ITK: variants seen among roughly 807,000 people sequenced by gnomAD.
The protein encoded by ITK is IL2 inducible T cell kinase, also known as tyrosine-protein kinase ITK/TSK.
A neutral mutation model predicts 87.6 loss-of-function variants in ITK; 45 were observed. The observed-to-expected ratio is 0.51, with a 90% CI of 0.40 to 0.66. The LOEUF (loss-of-function observed/expected upper bound fraction) is 0.66. Ranked by LOEUF, ITK falls within the 30% of genes least tolerant of loss-of-function variation. ITK has a pLI of 0.00. For missense variants in ITK, 605 were observed against 766.3 expected (o/e 0.79, Z 2.48); for synonymous variants, 303 against 273.6 (o/e 1.11, Z -1.06).
chr5:157,220,864 T>G (rs924902186), intron 5 of ITK, among the ~76,000 whole-genome samples: 1 of 152,152 alleles, frequency 6.6e-6, no homozygotes, highest in African/African-American at 2.4e-5. Context: ...TAATTAAAAT[T>G]TTTTGTTGCT....
chr5:157,188,762 A>G (rs1753694875), intron 1 of ITK, among the ~76,000 whole-genome samples: 1 of 152,182 alleles, frequency 6.6e-6, no homozygotes, highest in Admixed American at 6.5e-5. Flanking sequence ...GAAGTGCATC[A>G]CCACGCCTGG....
Position 157,208,986 on chromosome 5 carries a change from C to T in ITK, c.236C>T (p.Pro79Leu), listed in dbSNP as rs770772353. Residue 79 changes from proline (P) to leucine (L), a missense_variant, in exon 2 of 17, where the codon CCG becomes CTG. By Grantham distance (98) the Pro-to-Leu change is moderately conservative. Coordinates refer to ENST00000422843, the MANE Select transcript of ITK (RefSeq NM_005546.4). ...DISIPCHYKY[P>L]FQVVHDNYLL... is the part of the protein sequence containing the mutation. ...AGCATCCCATGCCACTATAAATACCCGTTTCAGGTAAGTCCATCAGGTGGG... is the reference window on the plus strand; with the variant it reads ...AGCATCCCATGCCACTATAAATACCTGTTTCAGGTAAGTCCATCAGGTGGG... 13 of 1,608,008 alleles carry T rather than the reference C, an allele frequency of 8.1e-6. No homozygotes were observed. The highest frequency in any genetic ancestry group is 1.3e-5 in the African/African-American group (1 of 74,770).
chr5:157,254,477 A>G lies in ITK; in HGVS notation c.*1799A>G, dbSNP rs1755211871. On this transcript the variant is annotated 3_prime_UTR_variant, in exon 17 of 17. Coordinates refer to ENST00000422843, the MANE Select transcript of ITK (RefSeq NM_005546.4). ...CAGCTGTAGTCTTCTTGAACACTTCATGAGGAGGGACATTCCCTGATATAA... is the reference window on the plus strand; with the variant it reads ...CAGCTGTAGTCTTCTTGAACACTTCGTGAGGAGGGACATTCCCTGATATAA... The G allele has an allele frequency of 4.5e-6, 1 of 220,456 alleles. No homozygotes were observed. The highest frequency in any genetic ancestry group is 9.1e-6 in the Non-Finnish European group (1 of 110,098). 13.7% of individuals were successfully genotyped at this position (220,456 alleles called of 1,614,324 possible).
intron 7 of ITK, among the ~76,000 whole-genome samples, chr5:157,230,264 G>A (rs906673895): frequency 1.3e-5 from 2 of 151,950 alleles, no homozygotes; most frequent in Admixed American, 1.3e-4. Flanking sequence ...TCAGCAATTG[G>A]CTCATCTGGG....
intron 1 of ITK, among the ~76,000 whole-genome samples, chr5:157,203,544 A>G (rs991265784): frequency 3.3e-5 from 5 of 152,140 alleles, no homozygotes; most frequent in Admixed American, 6.5e-5. Context: ...TTCACTATGC[A>G]TGCCCTAAAG....
At chr5:157,189,009 G>T (rs1753700512) in intron 1 of ITK, among the ~76,000 whole-genome samples, 1 of 152,018 alleles carries the variant, frequency 6.6e-6, no homozygotes, top group African/African-American at 2.4e-5. Context: ...TAAATATCCG[G>T]GGAATGAATG....
At chr5:157,202,904 C>A (rs1279351750) in intron 1 of ITK, among the ~76,000 whole-genome samples, 11 of 152,208 alleles carry the variant, frequency 7.2e-5, no homozygotes, top group African/African-American at 2.4e-4. Flanking sequence ...TCCCTGTTCA[C>A]AATTCCAGTT....
intron 1 of ITK, among the ~76,000 whole-genome samples, chr5:157,202,609 T>A (rs1231466923): frequency 1.3e-5 from 2 of 152,224 alleles, no homozygotes; most frequent in Non-Finnish European, 2.9e-5. Flanking sequence ...TATGTGTATA[T>A]GCGTCTTTAT....
At chr5:157,220,484 ACTGCTACCTGGGC>A (rs1454659603) in intron 5 of ITK, among the ~76,000 whole-genome samples, 4 of 152,064 alleles carry the variant, frequency 2.6e-5, no homozygotes, top group African/African-American at 9.7e-5. Context: ...TATCCCTGCC[ACTGCTACCTGGGC>A]TCTCTGTGAG....
intron 1 of ITK, among the ~76,000 whole-genome samples, chr5:157,190,864 A>G (rs1396501129): frequency 6.6e-6 from 1 of 152,236 alleles, no homozygotes; most frequent in Non-Finnish European, 1.5e-5. Flanking sequence ...GAGGGGCAGA[A>G]GCCAAACTCT....
Position 157,214,287 on chromosome 5 carries a change from C to A in ITK, c.422C>A (p.Thr141Lys). The A allele has an allele frequency of 6.2e-7, 1 of 1,613,150 alleles. No homozygotes were observed. The highest frequency in any genetic ancestry group is 8.5e-7 in the Non-Finnish European group (1 of 1,179,072). The change falls in exon 4 of 17, where the codon ACA becomes AAA. Residue 141 changes from threonine to lysine, a missense_variant. Thr to Lys is a moderately conservative substitution (Grantham distance 78). Transcript: ENST00000422843. ...TGTTCTCAGCTGGAGAAGCTTGCAA[C>A]AGGCTGTGCCCAATATGATCCAACC... The part of the protein sequence containing the change: ...RCCSQLEKLA[T>K]GCAQYDPTKN...
intron 8 of ITK, among the ~76,000 whole-genome samples, chr5:157,233,132 T>C (rs1215373907): frequency 6.6e-6 from 1 of 152,142 alleles, no homozygotes; most frequent in Non-Finnish European, 1.5e-5. Flanking sequence ...CACCAACTCA[T>C]TGGGTGACTT....
chr5:157,232,469 C>A, intron 8 of ITK, 75 bp downstream of exon 8: 1 of 1,086,524 alleles, frequency 9.2e-7, no homozygotes, highest in Non-Finnish European at 1.4e-6. Flanking sequence ...GGAATCCCAG[C>A]GATTTGGCAG....
intron 3 of ITK, chr5:157,213,640 C>T (rs867461952): frequency 2.0e-5 from 9 of 440,674 alleles, no homozygotes; most frequent in Admixed American, 5.2e-5. Context: ...CCTCGGCCTA[C>T]GAAAGTACTG....
intron 1 of ITK, among the ~76,000 whole-genome samples, chr5:157,198,806 C>T (rs1753901989): frequency 6.6e-6 from 1 of 152,204 alleles, no homozygotes; most frequent in Admixed American, 6.5e-5. Context: ...CTCACTCTAT[C>T]ACCCAGAGTG....
chr5:157,240,381 C>A, intron 10 of ITK, 186 bp downstream of exon 10: 1 of 643,214 alleles, frequency 1.6e-6, no homozygotes, highest in Non-Finnish European at 2.8e-6. Context: ...GAATCAAATG[C>A]CTGATGATCT....
rs538147499 is a variant in ITK at position 157,210,808 on chromosome 5, G to T, written c.244-479G>T. Among the ~76,000 whole-genome samples, 587 of 149,836 alleles carry T rather than the reference G, an allele frequency of 3.9e-3. 5 individuals carry two copies. Among genetic ancestry groups the T allele is most frequent in the African/African-American group, 0.014 (550 of 40,686 alleles). ...GTTTTGAAAGATGTGTTGTGGTTACGTAAGATGTCATCAGTGGAGAAAAGT... is the reference window on the plus strand; with the variant it reads ...GTTTTGAAAGATGTGTTGTGGTTACTTAAGATGTCATCAGTGGAGAAAAGT... On this transcript the variant is annotated intron_variant, in intron 2 of 16. Coordinates refer to ENST00000422843, the MANE Select transcript of ITK (RefSeq NM_005546.4).
chr5:157,253,503 A>C lies in ITK; in HGVS notation c.*825A>C, dbSNP rs745413722. 1.0e-4 allele frequency: 23 copies of C among 225,556 alleles called. No individual in the cohort carries two copies. The highest frequency in any genetic ancestry group is 1.9e-4 in the Non-Finnish European group (22 of 113,306). 14.0% of individuals were successfully genotyped at this position (225,556 alleles called of 1,614,324 possible). ...CTTTTATACCAAGCTCATCTTTTAT[A>C]CCAAGCTGTGCAGGTGACTATGCCT... On this transcript the variant is annotated 3_prime_UTR_variant, in exon 17 of 17. Coordinates refer to ENST00000422843, the MANE Select transcript of ITK (RefSeq NM_005546.4).
At chr5:157,242,152 G>A (rs1031534368) in intron 11 of ITK, among the ~76,000 whole-genome samples, 1 of 152,214 alleles carries the variant, frequency 6.6e-6, no homozygotes, top group East Asian at 1.9e-4. Context: ...CTCTGCATAA[G>A]AGAGTGTTAA....
Sources: allele counts gnomAD v4.1 joint callset (sites outside exome capture counted in the v4.1 genomes callset), GRCh38; gene constraint gnomAD v4.1.1; transcripts MANE v1.5; gene names NCBI Gene and HGNC (gene_info 2026-07-23, HGNC 2026-07-21).